Variants in RGS3 observed in about 807,000 individuals in gnomAD.
RGS3 encodes regulator of G-protein signalling 3.
A neutral mutation model predicts 132.6 loss-of-function variants in RGS3; 80 were observed. That is an observed-to-expected ratio of 0.60 (90% CI 0.50 to 0.73). The LOEUF (loss-of-function observed/expected upper bound fraction) is 0.73. Ranked by LOEUF, RGS3 falls within the 30% of genes least tolerant of loss-of-function variation. The pLI is 0.00. For synonymous variants in RGS3, 598 were observed against 620.6 expected, an observed-to-expected ratio of 0.96 and a Z score of 0.54; for missense variants, 1,382 against 1,530.8, an observed-to-expected ratio of 0.90 and a Z score of 1.62.
intron 19 of RGS3, among the ~76,000 whole-genome samples, chr9:113,553,358 G>C (rs1162178719): frequency 2.1e-5 from 3 of 145,642 alleles, no homozygotes; most frequent in Admixed American, 7.0e-5. Flanking sequence ...TGGGAGGATC[G>C]CTTGAGCCTG....
At chr9:113,538,518 T>C (rs138609405) in intron 19 of RGS3, among the ~76,000 whole-genome samples, 27 of 152,316 alleles carry the variant, frequency 1.8e-4, no homozygotes, top group Middle Eastern at 6.8e-3. Flanking sequence ...TGGAGTGTGT[T>C]AGCAGCAGCC....
intron 10 of RGS3, 152 bp from the exon 9 acceptor site, chr9:113,505,290 G>A: frequency 4.6e-6 from 3 of 651,190 alleles, no homozygotes; most frequent in Admixed American, 2.5e-5. Flanking sequence ...GCTGAGATAG[G>A]GACACTGAGG....
At chr9:113,454,962 G>A (rs1300721351) in intron 1 of RGS3, among the ~76,000 whole-genome samples, 2 of 152,212 alleles carry the variant, frequency 1.3e-5, no homozygotes, top group African/African-American at 4.8e-5. Flanking sequence ...AGTTGTGAGT[G>A]GGGACTCTCT....
chr9:113,554,838 GT>G (rs1003357157), intron 19 of RGS3, among the ~76,000 whole-genome samples: 70 of 151,992 alleles, frequency 4.6e-4, no homozygotes, highest in Admixed American at 3.8e-3. Context: ...TTATAATCAA[GT>G]TTTTTTGGGG....
chr9:113,487,937 T>C (rs1349031599), intron 7 of RGS3, among the ~76,000 whole-genome samples: 2 of 152,180 alleles, frequency 1.3e-5, no homozygotes, highest in Non-Finnish European at 2.9e-5. Flanking sequence ...CTGAGAAATC[T>C]GCATTTAAAC....
chr9:113,534,395 C>T (rs1026193619), intron 18 of RGS3, among the ~76,000 whole-genome samples: 4 of 152,014 alleles, frequency 2.6e-5, no homozygotes, highest in African/African-American at 9.7e-5. Flanking sequence ...GTTCCAGGAC[C>T]CCACAGATAC....
chr9:113,516,660 G>A (rs1338530237), intron 15 of RGS3, among the ~76,000 whole-genome samples: 2 of 151,854 alleles, frequency 1.3e-5, no homozygotes, highest in East Asian at 3.9e-4. Context: ...CATGCGGCCT[G>A]TGTCTAATTT....
intron 18 of RGS3, among the ~76,000 whole-genome samples, chr9:113,531,043 G>A (rs777439583): frequency 2.0e-5 from 3 of 152,202 alleles, no homozygotes; most frequent in Non-Finnish European, 4.4e-5. Flanking sequence ...ATTTGGAGAA[G>A]TTTTTTGACT....
In RGS3 at chr9:113,594,913, C is replaced by A. The variant is rs1835681048; in HGVS notation, c.3183-6C>A. The A allele has an allele frequency of 6.2e-7, 1 of 1,613,806 alleles. No homozygotes were observed. The highest frequency in any genetic ancestry group is 1.3e-5 in the African/African-American group (1 of 74,920). The stretch of plus-strand genomic sequence containing the variant: ...CCCTCACTGTGTTTCCTCCCTCACC[C>A]CTCAGGCCCACCTCAGAGGAAGCCC... On this transcript the variant is annotated splice_polypyrimidine_tract_variant and splice_region_variant and intron_variant, in intron 22 of 24. Coordinates refer to ENST00000350696, the Ensembl canonical transcript of RGS3.
rs560672902 is a variant in RGS3 at position 113,548,717 on chromosome 9, G to A, written c.2037+11799G>A. ...GGCGAGGAGGCCCTGGAGGCCCGGA[G>A]AGCAGAAAGCACTGGCTGGTGTCAA... On this transcript the variant is annotated intron_variant, in intron 19 of 24. Transcript: ENST00000350696. Among the ~76,000 whole-genome samples, 4 of 152,256 alleles carry A rather than the reference G, an allele frequency of 2.6e-5. No homozygotes were observed. The South Asian group carries it at 8.3e-4, about 32-fold the overall frequency.
intron 19 of RGS3, among the ~76,000 whole-genome samples, chr9:113,577,704 C>T (rs1834596535): frequency 6.6e-6 from 1 of 152,180 alleles, no homozygotes; most frequent in Non-Finnish European, 1.5e-5. Flanking sequence ...GCCTATGCTG[C>T]TTCCTCCCCT....
At chr9:113,556,125 T>C (rs1362292355) in intron 19 of RGS3, among the ~76,000 whole-genome samples, 1 of 152,224 alleles carries the variant, frequency 6.6e-6, no homozygotes, top group African/African-American at 2.4e-5. Flanking sequence ...TTCCCCAGTA[T>C]TTAGTGTTTT....
intron 21 of RGS3, 187 bp from the exon 20 acceptor site, chr9:113,594,243 A>G: frequency 6.2e-7 from 1 of 1,612,572 alleles, no homozygotes; most frequent in Admixed American, 1.7e-5. Context: ...CCTACAGACC[A>G]ATCTGCGGCC....
chr9:113,589,184 TG>T (rs1835283043), intron 20 of RGS3: 2 of 152,378 alleles, frequency 1.3e-5, no homozygotes, highest in Middle Eastern at 3.4e-3. Flanking sequence ...GGAGGGCCTT[TG>T]CAGACTAGGC....
chr9:113,509,343 G>A lies in RGS3; in HGVS notation c.1477+763G>A, dbSNP rs550244083. Among the ~76,000 whole-genome samples the A allele has an allele frequency of 1.7e-4, 26 of 152,128 alleles. No individual in the cohort carries two copies. In the South Asian group the frequency reaches 4.8e-3, roughly 28 times the overall value. The stretch of plus-strand genomic sequence containing the variant: ...CTCAGTTTCTTCATTTATAAAATGG[G>A]GTCAATAATTCCTACCTCAGAGGGT... On this transcript the variant is annotated intron_variant, in intron 14 of 24. Coordinates refer to ENST00000350696, the Ensembl canonical transcript of RGS3.
exon 5 of RGS3, chr9:113,483,097 A>C (rs1197959267): frequency 1.2e-6 from 2 of 1,612,834 alleles, no homozygotes; most frequent in Non-Finnish European, 1.7e-6. Context: ...ACAGCCTGGC[A>C]CCTGTGATCC....
Position 113,567,565 on chromosome 9 carries a change from C to T in RGS3, c.2038-15885C>T, listed in dbSNP as rs1265994220. On this transcript the variant is annotated intron_variant, in intron 19 of 24. Transcript: ENST00000350696. ...GGAGCCCCTTTAGGAGAGGCCTAGG[C>T]TCTGAATGTCAAAGTTGCATCCATA... Among the ~76,000 whole-genome samples the T allele has an allele frequency of 4.6e-5, 7 of 152,346 alleles. No homozygotes were observed. In the South Asian group the frequency reaches 1.4e-3, roughly 32 times the overall value.
Position 113,531,516 on chromosome 9 carries a change from G to A in RGS3, c.1914+2252G>A, listed in dbSNP as rs146378645. Among the ~76,000 whole-genome samples, 39 of 152,262 alleles carry A rather than the reference G, an allele frequency of 2.6e-4. No homozygotes were observed. In the East Asian group the frequency reaches 5.2e-3, roughly 20 times the overall value. ...GCACAGAGCCTGGCACACAGTGAGCGCTCAATAAATGGTAGCTATTGTTAT... is the reference window on the plus strand; with the variant it reads ...GCACAGAGCCTGGCACACAGTGAGCACTCAATAAATGGTAGCTATTGTTAT... On this transcript the variant is annotated intron_variant, in intron 18 of 24. Coordinates refer to ENST00000350696, the Ensembl canonical transcript of RGS3.
chr9:113,465,314 A>C (rs1268367605), intron 3 of RGS3, among the ~76,000 whole-genome samples: 1 of 152,160 alleles, frequency 6.6e-6, no homozygotes, highest in Non-Finnish European at 1.5e-5. Flanking sequence ...TCATGGTTAC[A>C]TGTGTTTACT....
Sources: gnomAD v4.1 joint callset for allele counts (sites outside exome capture counted in the v4.1 genomes callset) on GRCh38, gnomAD v4.1.1 for gene constraint, MANE v1.5 for transcripts, NCBI Gene and HGNC (gene_info 2026-07-23, HGNC 2026-07-21) for gene names.